EXOC4: variants seen among roughly 807,000 people sequenced by gnomAD.
The protein encoded by EXOC4 is exocyst complex component 4.
EXOC4 carries 71 observed loss-of-function variants against 107.2 expected under a neutral mutation model. That is an observed-to-expected ratio of 0.66 (90% confidence interval 0.55 to 0.81). The LOEUF (loss-of-function observed/expected upper bound fraction) is 0.81. EXOC4 is among the 30% of genes least tolerant of loss of function. EXOC4 has a pLI of 0.00. For synonymous variants in EXOC4, 456 were observed against 441.2 expected (o/e 1.03, Z -0.42); for missense variants, 1,108 against 1,189.6 (o/e 0.93, Z 1.01).
intron 10 of EXOC4, among the ~76,000 whole-genome samples, chr7:133,717,650 G>A (rs1054946494): frequency 6.6e-6 from 1 of 152,132 alleles, no homozygotes; most frequent in African/African-American, 2.4e-5. Flanking sequence ...ATGAAGTGTG[G>A]TCATGTGAAG....
intron 11 of EXOC4, among the ~76,000 whole-genome samples, chr7:133,854,806 A>T (rs1798313548): frequency 1.3e-5 from 2 of 149,564 alleles, no homozygotes; most frequent in South Asian, 4.2e-4. Context: ...ATTCCCTAGA[A>T]GCCAATAAAA....
intron 9 of EXOC4, among the ~76,000 whole-genome samples, chr7:133,599,616 C>T (rs2150985758): frequency 6.6e-6 from 1 of 152,254 alleles, no homozygotes; most frequent in African/African-American, 2.4e-5. Flanking sequence ...CAATAATTTC[C>T]ATAGCTAGAT....
At chr7:133,719,881 G>A (rs1795071688) in intron 10 of EXOC4, among the ~76,000 whole-genome samples, 1 of 152,078 alleles carries the variant, frequency 6.6e-6, no homozygotes, top group South Asian at 2.1e-4. Flanking sequence ...CATAATGCTT[G>A]TAAGAAACTA....
Position 133,390,470 on chromosome 7 carries a change from C to T in EXOC4, c.1182+15468C>T, listed in dbSNP as rs10245899. The stretch of plus-strand genomic sequence containing the variant: ...GCTTGGGAGGAAATAAAAGCCGAGT[C>T]CATAAGTGAGCCTGGGAGGAGTGAA... On this transcript the variant is annotated intron_variant, in intron 7 of 17. Transcript: ENST00000253861. 1.4e-3 allele frequency among the ~76,000 whole-genome samples: 217 copies of T among 152,246 alleles called. 2 individuals carry two copies. Among genetic ancestry groups the T allele is most frequent in the African/African-American group, 4.9e-3 (202 of 41,538 alleles).
At chr7:133,813,471 A>C (rs1359362232) in intron 10 of EXOC4, among the ~76,000 whole-genome samples, 5 of 152,226 alleles carry the variant, frequency 3.3e-5, no homozygotes, top group Non-Finnish European at 1.5e-5. Context: ...GTATTTACTC[A>C]TTAGCAAATT....
intron 10 of EXOC4, among the ~76,000 whole-genome samples, chr7:133,721,314 G>A (rs1795100390): frequency 6.6e-6 from 1 of 152,148 alleles, no homozygotes; most frequent in Non-Finnish European, 1.5e-5. Flanking sequence ...CCTTTTGAGT[G>A]TTACCTGTTT....
intron 7 of EXOC4, among the ~76,000 whole-genome samples, chr7:133,468,841 A>C (rs1025085397): frequency 6.6e-6 from 1 of 152,134 alleles, no homozygotes; most frequent in African/African-American, 2.4e-5. Context: ...AGTTATCAGC[A>C]TAAGGACCAG....
At chr7:133,461,339 G>C (rs1451323355) in intron 7 of EXOC4, among the ~76,000 whole-genome samples, 1 of 152,146 alleles carries the variant, frequency 6.6e-6, no homozygotes, top group Non-Finnish European at 1.5e-5. Context: ...AAATTCCAAT[G>C]AGAAGGTATG....
intron 9 of EXOC4, among the ~76,000 whole-genome samples, chr7:133,538,857 A>AAGAGAGCG (rs1800325175): frequency 1.4e-5 from 1 of 72,164 alleles, no homozygotes; most frequent in Non-Finnish European, 2.6e-5. Flanking sequence ...GAAAGAAAGA[A>AAGAGAGCG]AGAGAGAGAG....
At chr7:134,004,879 A>C in intron 15 of EXOC4, 33 bp from the exon 16 acceptor site, 1 of 1,576,754 alleles carries the variant, frequency 6.3e-7, no homozygotes, top group Non-Finnish European at 8.6e-7. Context: ...AGGATTTATT[A>C]TTAACTGCTC....
chr7:134,050,761 G>C (rs1042301637), intron 17 of EXOC4, among the ~76,000 whole-genome samples: 13 of 152,146 alleles, frequency 8.5e-5, no homozygotes, highest in African/African-American at 3.1e-4. Flanking sequence ...TCTTTAAAAG[G>C]CCTTGGATGT....
intron 9 of EXOC4, among the ~76,000 whole-genome samples, chr7:133,592,840 A>G (rs542244677): frequency 6.6e-6 from 1 of 152,184 alleles, no homozygotes; most frequent in African/African-American, 2.4e-5. Context: ...TGACCTCATG[A>G]TCCACCCGCT....
chr7:133,298,217 C>G (rs1241332912), intron 3 of EXOC4, among the ~76,000 whole-genome samples: 1 of 152,172 alleles, frequency 6.6e-6, no homozygotes. Context: ...CCATATTCCT[C>G]TATCATTCCT....
At chr7:133,451,283 G>C (rs1245078348) in intron 7 of EXOC4, among the ~76,000 whole-genome samples, 1 of 151,620 alleles carries the variant, frequency 6.6e-6, no homozygotes, top group Non-Finnish European at 1.5e-5. Context: ...GAGAGATCGT[G>C]TTGGGTATTA....
intron 6 of EXOC4, among the ~76,000 whole-genome samples, chr7:133,359,674 G>A (rs1306888837): frequency 2.6e-5 from 4 of 152,018 alleles, no homozygotes; most frequent in Non-Finnish European, 4.4e-5. Flanking sequence ...ATATATTCTG[G>A]TTGTGATGCA....
At chr7:133,700,905 T>G (rs1794642634) in intron 10 of EXOC4, among the ~76,000 whole-genome samples, 2 of 151,972 alleles carry the variant, frequency 1.3e-5, no homozygotes, top group Admixed American at 1.3e-4. Context: ...TTGATCAAAT[T>G]CAAATATTAG....
At chr7:134,069,097 G>A (rs1796229623), downstream of EXOC4, among the ~76,000 whole-genome samples, 1 of 152,004 alleles carries the variant, frequency 6.6e-6, no homozygotes, top group South Asian at 2.1e-4. Context: ...TCAAATTTCA[G>A]CCTGACTCTG....
At chr7:133,553,731 G>C (rs1800635849) in intron 9 of EXOC4, among the ~76,000 whole-genome samples, 1 of 152,098 alleles carries the variant, frequency 6.6e-6, no homozygotes, top group Admixed American at 6.6e-5. Flanking sequence ...TGGCAGCCGG[G>C]GAGAGAAAGT....
intron 11 of EXOC4, among the ~76,000 whole-genome samples, chr7:133,853,002 G>C (rs1170205837): frequency 6.6e-6 from 1 of 152,152 alleles, no homozygotes; most frequent in Non-Finnish European, 1.5e-5. Flanking sequence ...ATCTGACATG[G>C]AGTAAGTTAC....
Sources: allele counts gnomAD v4.1 joint callset (sites outside exome capture counted in the v4.1 genomes callset), GRCh38; gene constraint gnomAD v4.1.1; transcripts MANE v1.5; gene names NCBI Gene and HGNC (gene_info 2026-07-23, HGNC 2026-07-21).